The following NPAP1 variants were observed in gnomAD, a reference collection of about 807,000 sequenced individuals.
NPAP1 encodes nuclear pore-associated protein 1.
For missense variants in NPAP1, 1,483 were observed against 1,454.5 expected (o/e 1.02, Z -0.32); for synonymous variants, 616 against 581.4 (o/e 1.06, Z -0.86).
rs2141313565 is a variant in NPAP1, at chr15:24,678,837, C to G, written c.2970C>G (p.Gly990=). 2.5e-6 allele frequency: 4 copies of G among 1,614,200 alleles called. No homozygotes were observed. The South Asian group carries it at 4.4e-5, about 18-fold the overall frequency. ...SGFRIATGMP[G]TGDSTLLVGN... The stretch of plus-strand genomic sequence containing the variant: ...TTAGAATTGCCACTGGGATGCCTGG[C>G]ACTGGAGACAGTACCTTACTGGTTG... The change falls in exon 1 of 1, where the codon GGC becomes GGG. Residue 990 remains glycine (G), a synonymous_variant. Coordinates refer to ENST00000329468, the MANE Select transcript of NPAP1 (RefSeq NM_018958.3).
chr15:24,677,559 C>T lies in NPAP1; in HGVS notation c.1692C>T (p.His564=), dbSNP rs762577509. Residue 564 remains histidine, a synonymous_variant, in exon 1 of 1, where the codon CAC becomes CAT. Coordinates refer to ENST00000329468, the MANE Select transcript of NPAP1 (RefSeq NM_018958.3). Reference sequence around the variant, plus strand: ...CTGTCACAACAAACGCATCTGCCCACCTAACCTCACAGACTGCGGTAGACC... The same window carrying T: ...CTGTCACAACAAACGCATCTGCCCATCTAACCTCACAGACTGCGGTAGACC... ...ISTVTTNASA[H]LTSQTAVDPE... 5.6e-6 allele frequency: 9 copies of T among 1,614,066 alleles called. No homozygotes were observed. In the East Asian group the frequency reaches 1.6e-4, roughly 28 times the overall value.
At position 24,679,466 on chromosome 15, in the gene NPAP1, T is replaced by C; in HGVS notation, c.*128T>C. On this transcript the variant is annotated 3_prime_UTR_variant, in exon 1 of 1. Coordinates refer to ENST00000329468, the MANE Select transcript of NPAP1 (RefSeq NM_018958.3). ...CACCTGCCATGTACCTCTCCAGAAC[T>C]CAGGTTGTGCACCAGGAGGGGACAA... 2 of 718,452 alleles carry C rather than the reference T, an allele frequency of 2.8e-6. No individual in the cohort carries two copies. Among genetic ancestry groups the C allele is most frequent in the Middle Eastern group, 2.8e-4 (1 of 3,628 alleles). The allele number at this position is 718,452 out of a possible 1,614,324, so 44.5% of individuals were successfully genotyped here.
At chr15:24,678,832 CCTGG>C in the NPAP1 span, 6 of 1,614,186 alleles carry the variant, frequency 3.7e-6, 1 homozygote, top group South Asian at 6.6e-5. Context: ...CACTGGGATG[CCTGG>C]CACTGGAGAC....
In NPAP1 at chr15:24,676,601, A is replaced by T. The variant is rs760659363; in HGVS notation, c.734A>T (p.Gln245Leu). Residue 245 changes from glutamine to leucine, a missense_variant, in exon 1 of 1, where the codon CAG (glutamine) becomes CTG (leucine). Physicochemically the swap from Gln to Leu is moderately radical, Grantham distance 113. Coordinates refer to ENST00000329468, the MANE Select transcript of NPAP1 (RefSeq NM_018958.3). ...EGPAMPSTHS[Q>L]AGCARHLGKP... ...CCTGCCATGCCCAGCACACACAGCC[A>T]GGCCGGATGTGCCCGGCATCTTGGA... 2 of 1,613,936 alleles carry T rather than the reference A, an allele frequency of 1.2e-6. No individual in the cohort carries two copies. The highest frequency in any genetic ancestry group is 1.7e-6 in the Non-Finnish European group (2 of 1,180,026).
At position 24,676,106 on chromosome 15, in the gene NPAP1, C is replaced by G. The variant is rs2141307288; in HGVS notation, c.239C>G (p.Ala80Gly). Reference protein sequence around the residue: ...RPCPLPRAAAAPLGVLPAVGW... With the variant: ...RPCPLPRAAAGPLGVLPAVGW... Reference sequence around the variant, plus strand: ...TGTCCTCTCCCTCGGGCTGCGGCCGCCCCTCTGGGGGTCCTGCCGGCTGTG... The same window carrying G: ...TGTCCTCTCCCTCGGGCTGCGGCCGGCCCTCTGGGGGTCCTGCCGGCTGTG... Residue 80 changes from alanine to glycine, a missense_variant, in exon 1 of 1, where the codon GCC becomes GGC. Physicochemically the swap from Ala to Gly is moderately conservative, Grantham distance 60. Transcript: ENST00000329468. The G allele has an allele frequency of 6.4e-7, 1 of 1,563,454 alleles. No individual in the cohort carries two copies. The highest frequency in any genetic ancestry group is 8.6e-7 in the Non-Finnish European group (1 of 1,157,724).
rs747448894 is a variant in NPAP1, at chr15:24,676,030, G to A, written c.163G>A (p.Ala55Thr). The A allele has an allele frequency of 3.1e-6, 5 of 1,596,200 alleles. No individual in the cohort carries two copies. The highest frequency in any genetic ancestry group is 4.3e-6 in the Non-Finnish European group (5 of 1,172,810). ...RPFRGLFRRNARRRPSAASIF... is the reference protein window; with the variant it reads ...RPFRGLFRRNTRRRPSAASIF... ...TTTCCGCGGCCTGTTCCGCCGGAAC[G>A]CCCGTCGCAGGCCTTCAGCAGCCAG... is the stretch of plus-strand genomic sequence containing the variant. Residue 55 changes from alanine (A) to threonine (T), a missense_variant, in exon 1 of 1, where the codon GCC becomes ACC. Ala to Thr is a moderately conservative substitution (Grantham distance 58). Coordinates refer to ENST00000329468, the MANE Select transcript of NPAP1 (RefSeq NM_018958.3).
chr15:24,677,232 A>C lies in NPAP1; in HGVS notation c.1365A>C (p.Ala455=), dbSNP rs768118294. Reference sequence around the variant, plus strand: ...CACCAAAAATGGATGAGAAAATAGCATTCACAATCCCTAACTCTCCTCTGG... The same window carrying C: ...CACCAAAAATGGATGAGAAAATAGCCTTCACAATCCCTAACTCTCCTCTGG... ...STTPKMDEKI[A]FTIPNSPLAL... Residue 455 remains alanine, a synonymous_variant, in exon 1 of 1, where the codon GCA becomes GCC. Coordinates refer to ENST00000329468, the MANE Select transcript of NPAP1 (RefSeq NM_018958.3). The C allele has an allele frequency of 8.7e-6, 14 of 1,613,996 alleles. No individual in the cohort carries two copies. Among genetic ancestry groups the C allele is most frequent in the Non-Finnish European group, 1.2e-5 (14 of 1,180,042 alleles).
At chr15:24,678,779 CT>C in the NPAP1 span, 1 of 1,614,220 alleles carries the variant, frequency 6.2e-7, no homozygotes, top group Non-Finnish European at 8.5e-7. Context: ...AATGCAAGTG[CT>C]TTCCCCAATG....
Position 24,679,606 on chromosome 15 carries a change from T to A in NPAP1, c.*268T>A. ...ATCTTTAATTAGAGGCCCTTGTGTA[T>A]CCACCTACCAACAAAGTACCTAGGG... is the stretch of plus-strand genomic sequence containing the variant. On this transcript the variant is annotated 3_prime_UTR_variant, in exon 1 of 1. Transcript: ENST00000329468. 3.0e-6 allele frequency: 1 copy of A among 328,558 alleles called. No homozygotes were observed. Among genetic ancestry groups the A allele is most frequent in the East Asian group, 4.7e-5 (1 of 21,156 alleles). 20.4% of individuals were successfully genotyped at this position (328,558 alleles called of 1,614,324 possible). A position where few individuals can be genotyped will look rare whatever the true frequency, so the allele number is the denominator to read the frequency against.
At position 24,679,219 on chromosome 15, in the gene NPAP1, G is replaced by A. The variant is rs945414292; in HGVS notation, c.3352G>A (p.Ala1118Thr). The A allele has an allele frequency of 6.2e-7, 1 of 1,613,846 alleles. No individual in the cohort carries two copies. Among genetic ancestry groups the A allele is most frequent in the Non-Finnish European group, 8.5e-7 (1 of 1,180,002 alleles). ...CATAGTTGGAGGCCCTTGTGTTCCT[G>A]CTTTTCAACAGTGCATCCTGCAGCA... ...RSIVGGPCVP[A>T]FQQCILQHTW... The change falls in exon 1 of 1, where the codon GCT (alanine) becomes ACT (threonine). Residue 1118 changes from alanine to threonine, a missense_variant. Physicochemically the swap from Ala to Thr is moderately conservative, Grantham distance 58 (BLOSUM62 0). Transcript: ENST00000329468.
rs1566756436 is a variant in NPAP1, at chr15:24,677,730, A to T, written c.1863A>T (p.Thr621=). The change falls in exon 1 of 1, where the codon ACA becomes ACT. Residue 621 remains threonine (T), a synonymous_variant. Coordinates refer to ENST00000329468, the MANE Select transcript of NPAP1 (RefSeq NM_018958.3). ...ACCCGGGAAAGACATCAGTCTACAC[A>T]TCCCCACTTCCATTTATATTCCACA... is the stretch of plus-strand genomic sequence containing the variant. The part of the protein sequence containing the change: ...QRHPGKTSVY[T]SPLPFIFHNT... 5.6e-6 allele frequency: 9 copies of T among 1,614,026 alleles called. No homozygotes were observed. Among genetic ancestry groups the T allele is most frequent in the Non-Finnish European group, 7.6e-6 (9 of 1,180,044 alleles).
chr15:24,678,262 G>A lies in NPAP1; in HGVS notation c.2395G>A (p.Val799Ile), dbSNP rs2048991461. Residue 799 changes from valine to isoleucine, a missense_variant, in exon 1 of 1, where the codon GTT becomes ATT. Physicochemically the swap from Val to Ile is conservative, Grantham distance 29. Coordinates refer to ENST00000329468, the MANE Select transcript of NPAP1 (RefSeq NM_018958.3). ...TGATTTCCTGAGCCTTCCTATCATG[G>A]TTCCTCCAGACACCTCCACTTTAGT... Reference protein sequence around the residue: ...AHDFLSLPIMVPPDTSTLVSS... With the variant: ...AHDFLSLPIMIPPDTSTLVSS... 7 of 1,610,780 alleles carry A rather than the reference G, an allele frequency of 4.3e-6. No individual in the cohort carries two copies. Among genetic ancestry groups the A allele is most frequent in the East Asian group, 2.2e-5 (1 of 44,540 alleles).
Position 24,676,573 on chromosome 15 carries a change from G to A in NPAP1, c.706G>A (p.Gly236Ser), listed in dbSNP as rs148999000. Reference sequence around the variant, plus strand: ...GTCTCCAGCGAGCTCCTGCTTGGAAGGCCCTGCCATGCCCAGCACACACAG... The same window carrying A: ...GTCTCCAGCGAGCTCCTGCTTGGAAAGCCCTGCCATGCCCAGCACACACAG... The part of the protein sequence containing the change: ...QASPASSCLE[G>S]PAMPSTHSQA... The change falls in exon 1 of 1, where the codon GGC (glycine) becomes AGC (serine). Residue 236 changes from glycine (G) to serine (S), a missense_variant. Gly to Ser is a moderately conservative substitution (Grantham distance 56, BLOSUM62 0). Transcript: ENST00000329468. The A allele has an allele frequency of 3.0e-5, 48 of 1,614,036 alleles. No homozygotes were observed. The African/African-American group carries it at 5.7e-4, about 19-fold the overall frequency.
rs2049004922 is a variant in NPAP1, at chr15:24,679,699, C to CA, written c.*362dup. 4.0e-6 allele frequency: 1 copy of CA among 248,776 alleles called. No individual in the cohort carries two copies. The highest frequency in any genetic ancestry group is 2.3e-5 in the African/African-American group (1 of 43,922). The allele number at this position is 248,776 out of a possible 1,614,324, so 15.4% of individuals were successfully genotyped here. The stretch of plus-strand genomic sequence containing the variant: ...CAACATTCATTTGATAGAAGGCCCT[C>CA]ATGTGCCCATGTATCAGCAAAGCAC... On this transcript the variant is annotated 3_prime_UTR_variant, in exon 1 of 1. Coordinates refer to ENST00000329468, the MANE Select transcript of NPAP1 (RefSeq NM_018958.3).
In NPAP1 at chr15:24,678,069, A is replaced by G. The variant is rs765337506; in HGVS notation, c.2202A>G (p.Gln734=). The G allele has an allele frequency of 5.0e-6, 8 of 1,613,594 alleles. No individual in the cohort carries two copies. The highest frequency in any genetic ancestry group is 6.8e-6 in the Non-Finnish European group (8 of 1,179,920). The part of the protein sequence containing the change: ...YLGLPGSGNT[Q]PSGNTASVQG... ...GGCTTCCTGGTTCTGGGAACACACA[A>G]CCCAGCGGCAACACTGCCTCAGTCC... The change falls in exon 1 of 1, where the codon CAA becomes CAG. Residue 734 remains glutamine (Q), a synonymous_variant. Coordinates refer to ENST00000329468, the MANE Select transcript of NPAP1 (RefSeq NM_018958.3).
Position 24,678,026 on chromosome 15 carries a change from A to T in NPAP1, c.2159A>T (p.Tyr720Phe), listed in dbSNP as rs2141311660. 6.2e-7 allele frequency: 1 copy of T among 1,613,764 alleles called. No homozygotes were observed. The highest frequency in any genetic ancestry group is 8.5e-7 in the Non-Finnish European group (1 of 1,179,962). Reference protein sequence around the residue: ...ILQSASVSKKYLPFYLGLPGS... With the variant: ...ILQSASVSKKFLPFYLGLPGS... ...CAGTCTGCCTCTGTCTCCAAGAAGT[A>T]CCTCCCATTTTACCTGGGGCTTCCT... The change falls in exon 1 of 1, where the codon TAC (tyrosine) becomes TTC (phenylalanine). Residue 720 changes from tyrosine to phenylalanine, a missense_variant. Coordinates refer to ENST00000329468, the MANE Select transcript of NPAP1 (RefSeq NM_018958.3).
Position 24,679,458 on chromosome 15 carries a change from TC to T in NPAP1, c.*122del. The T allele has an allele frequency of 1.3e-6, 1 of 754,164 alleles. No individual in the cohort carries two copies. The highest frequency in any genetic ancestry group is 2.2e-6 in the Non-Finnish European group (1 of 451,584). The allele number at this position is 754,164 out of a possible 1,614,324, so 46.7% of individuals were successfully genotyped here. On this transcript the variant is annotated 3_prime_UTR_variant, in exon 1 of 1. Coordinates refer to ENST00000329468, the MANE Select transcript of NPAP1 (RefSeq NM_018958.3). ...ATGCCAAGCACCTGCCATGTACCTCTCCAGAACTCAGGTTGTGCACCAGGAG... is the reference window on the plus strand; with the variant it reads ...ATGCCAAGCACCTGCCATGTACCTCTCAGAACTCAGGTTGTGCACCAGGAG...
rs759520625 is a variant in NPAP1 at position 24,675,943 on chromosome 15, G to C, written c.76G>C (p.Ala26Pro). The C allele has an allele frequency of 1.8e-5, 29 of 1,584,722 alleles. No individual in the cohort carries two copies. Among genetic ancestry groups the C allele is most frequent in the Non-Finnish European group, 2.4e-5 (28 of 1,168,204 alleles). ...GCCAGGGCCAGGGCGTGGCGCCCCC[G>C]CTCCCCTGTCCCGGGACGCCTCCCC... ...PLPGPGRGAP[A>P]PLSRDASPPG... Residue 26 changes from alanine (A) to proline (P), a missense_variant, in exon 1 of 1, where the codon GCT becomes CCT. Physicochemically the swap from Ala to Pro is conservative, Grantham distance 27. Coordinates refer to ENST00000329468, the MANE Select transcript of NPAP1 (RefSeq NM_018958.3).
At position 24,677,083 on chromosome 15, in the gene NPAP1, C is replaced by G. The variant is rs3742950; in HGVS notation, c.1216C>G (p.Gln406Glu). The change falls in exon 1 of 1, where the codon CAG (glutamine) becomes GAG (glutamate). Residue 406 changes from glutamine to glutamate, a missense_variant. By Grantham distance (29) the Gln-to-Glu change is conservative (BLOSUM62 2). Coordinates refer to ENST00000329468, the MANE Select transcript of NPAP1 (RefSeq NM_018958.3). Reference sequence around the variant, plus strand: ...TGCCCCTTCTTTCTCCCAACCTGTGCAGACCACAGACTCCCTGCCCCTGAC... The same window carrying G: ...TGCCCCTTCTTTCTCCCAACCTGTGGAGACCACAGACTCCCTGCCCCTGAC... ...QPAPSFSQPV[Q>E]TTDSLPLTTY... 595,354 of 1,613,426 alleles carry G rather than the reference C, an allele frequency of 0.37. 118,651 individuals are homozygous for G. Among genetic ancestry groups the G allele is most frequent in the African/African-American group, 0.8 (60,142 of 74,878 alleles).
Sources: gnomAD v4.1 joint callset for allele counts on GRCh38, gnomAD v4.1.1 for gene constraint, MANE v1.5 for transcripts, NCBI Gene and HGNC (gene_info 2026-07-23, HGNC 2026-07-21) for gene names.